Variants in LARGE1 observed in about 807,000 individuals in gnomAD.
The protein encoded by LARGE1 is LARGE xylosyl- and glucuronyltransferase 1.
A neutral mutation model predicts 87.6 loss-of-function variants in LARGE1; 43 were observed. That is an observed-to-expected ratio of 0.49 (90% CI 0.38 to 0.63). The LOEUF is 0.63. Ranked by LOEUF, LARGE1 falls within the 30% of genes least tolerant of loss-of-function variation. The pLI is 0.00. For missense variants in LARGE1, 802 were observed against 1,000.2 expected (o/e 0.80, Z 2.67); for synonymous variants, 434 against 394.6 (o/e 1.10, Z -1.18).
chr22:33,454,012 G>A (rs1214750094), intron 6 of LARGE1, among the ~76,000 whole-genome samples: 3 of 152,192 alleles, frequency 2.0e-5, no homozygotes. Context: ...GCAGAGAGAA[G>A]CCCAGGACCA....
chr22:33,709,749 C>T (rs1313473075), intron 2 of LARGE1, among the ~76,000 whole-genome samples: 2 of 151,838 alleles, frequency 1.3e-5, no homozygotes, highest in African/African-American at 2.4e-5. Flanking sequence ...CCTCAGCCTC[C>T]CGAGTAGCTG....
chr22:33,568,117 C>T (rs971545146), intron 5 of LARGE1, among the ~76,000 whole-genome samples: 2 of 152,220 alleles, frequency 1.3e-5, no homozygotes, highest in Non-Finnish European at 2.9e-5. Context: ...GCCAAAAGGG[C>T]CCAGGCCAGC....
chr22:33,518,301 C>G (rs185925844), intron 6 of LARGE1, among the ~76,000 whole-genome samples: 2 of 152,216 alleles, frequency 1.3e-5, no homozygotes, highest in Admixed American at 6.5e-5. Context: ...CAAGGTCACA[C>G]GCCAGCAAAT....
chr22:33,826,682 C>T (rs995283654), intron 1 of LARGE1, among the ~76,000 whole-genome samples: 3 of 152,026 alleles, frequency 2.0e-5, no homozygotes, highest in African/African-American at 7.2e-5. Flanking sequence ...CCTTTAGTAC[C>T]CACCTGGACA....
chr22:33,779,866 A>G (rs2145884246), intron 1 of LARGE1, among the ~76,000 whole-genome samples: 1 of 152,272 alleles, frequency 6.6e-6, no homozygotes, highest in East Asian at 1.9e-4. Flanking sequence ...TTCCTCTCCT[A>G]ATTCTACTTT....
intron 2 of LARGE1, among the ~76,000 whole-genome samples, chr22:33,652,948 T>C (rs240339): frequency 0.66 from 100,111 of 151,862 alleles, 33,827 homozygotes; most frequent in African/African-American, 0.8. Flanking sequence ...GATGCAGAAT[T>C]GGTAGGGGAC....
chr22:33,431,285 C>T (rs778428860), intron 7 of LARGE1, among the ~76,000 whole-genome samples: 2 of 152,140 alleles, frequency 1.3e-5, no homozygotes, highest in Admixed American at 6.5e-5. Context: ...CATAGGGCCT[C>T]GTACACAGTA....
At chr22:33,092,973 TTTTG>T in the LARGE1 span, among the ~76,000 whole-genome samples, 1 of 152,206 alleles carries the variant, frequency 6.6e-6, no homozygotes. Context: ...ATTTATATTC[TTTTG>T]GGTATATACT....
intron 11 of LARGE1, among the ~76,000 whole-genome samples, chr22:33,237,362 T>C (rs766268050): frequency 2.0e-5 from 3 of 152,198 alleles, no homozygotes; most frequent in Non-Finnish European, 2.9e-5. Flanking sequence ...ACTCTGTGGT[T>C]TCCTGGTTCT....
At chr22:33,524,413 T>C (rs1019979796) in intron 6 of LARGE1, among the ~76,000 whole-genome samples, 1 of 152,162 alleles carries the variant, frequency 6.6e-6, no homozygotes, top group Non-Finnish European at 1.5e-5. Context: ...ATTTACCCTC[T>C]TGTCATCTTA....
At chr22:33,429,056 G>A (rs2066989220) in intron 7 of LARGE1, among the ~76,000 whole-genome samples, 1 of 151,678 alleles carries the variant, frequency 6.6e-6, no homozygotes, top group Non-Finnish European at 1.5e-5. Flanking sequence ...ATCTGCCTGA[G>A]TTCCTAACAT....
At chr22:33,549,789 C>T (rs2077470652) in intron 6 of LARGE1, among the ~76,000 whole-genome samples, 1 of 152,146 alleles carries the variant, frequency 6.6e-6, no homozygotes, top group Admixed American at 6.5e-5. Context: ...GCCCTGTGTC[C>T]AAGTGTTCTC....
At chr22:33,136,646 A>G in the LARGE1 span, among the ~76,000 whole-genome samples, 1 of 152,214 alleles carries the variant, frequency 6.6e-6, no homozygotes, top group African/African-American at 2.4e-5. Flanking sequence ...CAAAACAGGA[A>G]ACACCTGAGC....
At chr22:33,374,532 CT>C (rs2064930998) in intron 9 of LARGE1, among the ~76,000 whole-genome samples, 1 of 152,118 alleles carries the variant, frequency 6.6e-6, no homozygotes, top group African/African-American at 2.4e-5. Context: ...TGCTTTCAAC[CT>C]TTTAAAATCT....
chr22:33,442,793 G>GC (rs1214094491), intron 6 of LARGE1, among the ~76,000 whole-genome samples: 3 of 149,318 alleles, frequency 2.0e-5, no homozygotes, highest in African/African-American at 2.5e-5. Flanking sequence ...GATACTGATA[G>GC]CTTTTTTTTT....
At chr22:33,460,213 C>A (rs992665615) in intron 6 of LARGE1, among the ~76,000 whole-genome samples, 2 of 152,230 alleles carry the variant, frequency 1.3e-5, no homozygotes, top group African/African-American at 2.4e-5. Context: ...AGCTCTCTTG[C>A]TGAGCTTCCA....
At chr22:33,140,152 A>T in the LARGE1 span, among the ~76,000 whole-genome samples, 1 of 152,116 alleles carries the variant, frequency 6.6e-6, no homozygotes, top group Non-Finnish European at 1.5e-5. Context: ...CCTCTCCTGG[A>T]ATTCAGCCTC....
intron 11 of LARGE1, among the ~76,000 whole-genome samples, chr22:33,205,757 T>C (rs1439908573): frequency 1.3e-5 from 2 of 152,184 alleles, no homozygotes; most frequent in East Asian, 1.9e-4. Flanking sequence ...AAAACATTCA[T>C]TGAAATCTGA....
chr22:33,805,642 G>A (rs2086283927), intron 1 of LARGE1, among the ~76,000 whole-genome samples: 1 of 151,992 alleles, frequency 6.6e-6, no homozygotes, highest in Non-Finnish European at 1.5e-5. Flanking sequence ...GCTGAGGCAG[G>A]AGAATTCCTT....
Sources: allele counts gnomAD v4.1 joint callset (sites outside exome capture counted in the v4.1 genomes callset), GRCh38; gene constraint gnomAD v4.1.1; transcripts MANE v1.5; gene names NCBI Gene and HGNC (gene_info 2026-07-23, HGNC 2026-07-21).